The following CSGALNACT1 variants were observed in gnomAD, a reference collection of about 807,000 sequenced individuals.
CSGALNACT1 encodes chondroitin sulfate N-acetylgalactosaminyltransferase 1.
A neutral mutation model predicts 51.0 loss-of-function variants in CSGALNACT1; 52 were observed. That is an observed-to-expected ratio of 1.02 (90% CI 0.82 to 1.29). The LOEUF (loss-of-function observed/expected upper bound fraction) is 1.29. Ranked by LOEUF, CSGALNACT1 falls within the 50% of genes most tolerant of loss-of-function variation. The probability of loss-of-function intolerance (pLI) is 0.00; values close to 1 mark genes in which losing one functional copy is unlikely to be tolerated. For synonymous variants in CSGALNACT1, 341 were observed against 254.4 expected (o/e 1.34, Z -3.24); for missense variants, 935 against 679.2 (o/e 1.38, Z -4.19).
chr8:19,515,438 A>G lies in CSGALNACT1; in HGVS notation c.-296-9308T>C, dbSNP rs114943212. On this transcript the variant is annotated intron_variant, in intron 3 of 9. Coordinates refer to ENST00000454498, the Ensembl canonical transcript of CSGALNACT1. ...GGGGAATGGGCTTGCAAATGACTTC[A>G]CAGTCAGGAATTCCCTAGTTGGGAG... Among the ~76,000 whole-genome samples, 1,077 of 152,292 alleles carry G rather than the reference A, an allele frequency of 7.1e-3. 12 individuals carry two copies. The highest frequency in any genetic ancestry group is 0.024 in the African/African-American group (1,010 of 41,570).
At chr8:19,750,140 T>C (rs1251096788) in intron 1 of CSGALNACT1, among the ~76,000 whole-genome samples, 1 of 152,218 alleles carries the variant, frequency 6.6e-6, no homozygotes, top group East Asian at 1.9e-4. Flanking sequence ...ACCTGAGTTC[T>C]TGACTTCTTC....
intron 3 of CSGALNACT1, among the ~76,000 whole-genome samples, chr8:19,582,377 G>A (rs555522638): frequency 6.6e-6 from 1 of 152,260 alleles, no homozygotes; most frequent in South Asian, 2.1e-4. Context: ...AAAACTGTAT[G>A]GTCCAAGTTG....
chr8:19,549,209 A>G (rs1036080752), intron 3 of CSGALNACT1, among the ~76,000 whole-genome samples: 1 of 151,862 alleles, frequency 6.6e-6, no homozygotes, highest in Admixed American at 6.6e-5. Context: ...TTTCCTCTCC[A>G]TCCTCTCCCC....
At chr8:19,593,315 C>T (rs1367001480) in intron 2 of CSGALNACT1, among the ~76,000 whole-genome samples, 1 of 152,190 alleles carries the variant, frequency 6.6e-6, no homozygotes, top group Non-Finnish European at 1.5e-5. Flanking sequence ...ACTGAAGATA[C>T]CAAACTTAAA....
At chr8:19,573,368 T>C (rs531609829) in intron 3 of CSGALNACT1, among the ~76,000 whole-genome samples, 2 of 152,308 alleles carry the variant, frequency 1.3e-5, no homozygotes, top group Admixed American at 1.3e-4. Context: ...CGGCACTGGA[T>C]GAAAACCTTG....
At chr8:19,505,138 C>T (rs761896757) in intron 4 of CSGALNACT1, 63 bp downstream of exon 3, 26 of 1,598,120 alleles carry the variant, frequency 1.6e-5, no homozygotes, top group African/African-American at 2.7e-5. Context: ...TGGAACCTGC[C>T]TGGGTGCCAG....
intron 1 of CSGALNACT1, among the ~76,000 whole-genome samples, chr8:19,613,364 C>T (rs1002443426): frequency 1.1e-4 from 16 of 152,200 alleles, no homozygotes; most frequent in South Asian, 8.3e-4. Context: ...CCCTTTCCTA[C>T]ATCAAACCAT....
At chr8:19,430,298 A>C (rs1472094701) in intron 6 of CSGALNACT1, among the ~76,000 whole-genome samples, 1 of 152,220 alleles carries the variant, frequency 6.6e-6, no homozygotes, top group South Asian at 2.1e-4. Context: ...ACTTACACCT[A>C]TGTTTTCTCT....
intron 1 of CSGALNACT1, among the ~76,000 whole-genome samples, chr8:19,656,011 T>C (rs879361467): frequency 2.0e-5 from 3 of 151,876 alleles, no homozygotes; most frequent in Admixed American, 6.6e-5. Context: ...ACTTTGGAGG[T>C]TGAGCAGGAT....
chr8:19,755,468 A>AAAAAAAAAAAAAAAAAAAAG (rs1307540826), intron 1 of CSGALNACT1, among the ~76,000 whole-genome samples: 1 of 130,094 alleles, frequency 7.7e-6, no homozygotes, highest in Non-Finnish European at 1.7e-5. Context: ...AAAAAAAAAA[A>AAAAAAAAAAAAAAAAAAAAG]AAAAAAAAAA....
At chr8:19,453,172 T>C (rs1375296299) in intron 5 of CSGALNACT1, among the ~76,000 whole-genome samples, 1 of 151,912 alleles carries the variant, frequency 6.6e-6, no homozygotes, top group East Asian at 1.9e-4. Flanking sequence ...TGAAAGAAAA[T>C]GTAACTCAAA....
intron 1 of CSGALNACT1, among the ~76,000 whole-genome samples, chr8:19,732,745 A>C (rs1041707682): frequency 6.6e-6 from 1 of 152,238 alleles, no homozygotes; most frequent in Admixed American, 6.5e-5. Flanking sequence ...CGTCATTTCA[A>C]AATCCATTCC....
intron 1 of CSGALNACT1, among the ~76,000 whole-genome samples, chr8:19,633,485 G>C (rs2055580651): frequency 2.0e-5 from 3 of 152,156 alleles, no homozygotes; most frequent in Non-Finnish European, 2.9e-5. Context: ...CTTAAGACAA[G>C]GTTATACTGA....
chr8:19,618,629 C>CAAAAAAAAAAAAAAAAAAAAA (rs60787326), intron 1 of CSGALNACT1, among the ~76,000 whole-genome samples: 4 of 64,034 alleles, frequency 6.2e-5, no homozygotes, highest in Non-Finnish European at 1.1e-4. Context: ...AATACTCCAT[C>CAAAAAAAAAAAAAAAAAAAAA]AAAAAAAAAA....
intron 3 of CSGALNACT1, among the ~76,000 whole-genome samples, chr8:19,566,959 T>C (rs773718561): frequency 1.4e-4 from 21 of 152,214 alleles, no homozygotes; most frequent in Non-Finnish European, 2.9e-5. Flanking sequence ...ATGTGGATCC[T>C]GGCTCAGAGC....
chr8:19,536,035 C>T (rs1270463837), intron 3 of CSGALNACT1, among the ~76,000 whole-genome samples: 1 of 152,044 alleles, frequency 6.6e-6, no homozygotes, highest in Non-Finnish European at 1.5e-5. Context: ...TAAAACTGTC[C>T]ATTTTTGCAG....
intron 3 of CSGALNACT1, among the ~76,000 whole-genome samples, chr8:19,552,925 A>T (rs1239340254): frequency 1.3e-5 from 2 of 152,172 alleles, no homozygotes; most frequent in African/African-American, 4.8e-5. Flanking sequence ...CCCTGGGGAA[A>T]AACAGAGGCA....
chr8:19,709,739 G>C (rs1006708016), intron 1 of CSGALNACT1, among the ~76,000 whole-genome samples: 5 of 152,214 alleles, frequency 3.3e-5, no homozygotes, highest in African/African-American at 9.6e-5. Flanking sequence ...CCCGCCCAGA[G>C]TCTGATGTCA....
rs546505163 is a variant in CSGALNACT1 at position 19,733,528 on chromosome 8, G to A, written c.-297+24322C>T. Among the ~76,000 whole-genome samples the A allele has an allele frequency of 2.0e-5, 3 of 152,092 alleles. No homozygotes were observed. The South Asian group carries it at 6.2e-4, about 32-fold the overall frequency. ...AGCCAGCAGCTGTGTGACATATGAAGTTTTACGCCAATATGGATTATCGCT... is the reference window on the plus strand; with the variant it reads ...AGCCAGCAGCTGTGTGACATATGAAATTTTACGCCAATATGGATTATCGCT... On this transcript the variant is annotated intron_variant, in intron 1 of 1. Transcript: ENST00000517494.
Sources: gnomAD v4.1 joint callset for allele counts (sites outside exome capture counted in the v4.1 genomes callset) on GRCh38, gnomAD v4.1.1 for gene constraint, MANE v1.5 for transcripts, NCBI Gene and HGNC (gene_info 2026-07-23, HGNC 2026-07-21) for gene names.